Variants in EIF2AK2 observed in about 807,000 individuals in gnomAD.
The protein encoded by EIF2AK2 is interferon-induced, double-stranded RNA-activated protein kinase.
Under a neutral mutation model 70.5 loss-of-function variants are expected in EIF2AK2, and 40 were observed. The ratio of observed to expected loss-of-function variants is 0.57; its 90% CI spans 0.44 to 0.74. The LOEUF is 0.74. Among genes scored for constraint, EIF2AK2 ranks in the 30% least tolerant of loss-of-function variants. The pLI, the probability that EIF2AK2 is intolerant of heterozygous loss-of-function variation, is 0.00. For missense variants in EIF2AK2, 555 were observed against 644.3 expected, an observed-to-expected ratio of 0.86 and a Z score of 1.50; for synonymous variants, 198 against 220.9, an observed-to-expected ratio of 0.90 and a Z score of 0.92.
chr2:37,126,633 G>T (rs1354015282), intron 10 of EIF2AK2, among the ~76,000 whole-genome samples: 2 of 151,988 alleles, frequency 1.3e-5, no homozygotes, highest in Non-Finnish European at 2.9e-5. Context: ...TATCACCCCA[G>T]GCAGTCACAG....
chr2:37,117,205 C>G (rs1299230515), intron 13 of EIF2AK2, among the ~76,000 whole-genome samples: 1 of 134,996 alleles, frequency 7.4e-6, no homozygotes, highest in African/African-American at 2.8e-5. Context: ...AGAGGAGACT[C>G]TGTCTCAAAA....
chr2:37,121,124 G>A (rs971313994), intron 12 of EIF2AK2, among the ~76,000 whole-genome samples: 3 of 149,178 alleles, frequency 2.0e-5, no homozygotes, highest in East Asian at 1.9e-4. Context: ...TTAGCCGGGC[G>A]TGGTGGCGGG....
intron 8 of EIF2AK2, among the ~76,000 whole-genome samples, chr2:37,137,517 T>A (rs1256449465): frequency 6.6e-6 from 1 of 152,220 alleles, no homozygotes; most frequent in Non-Finnish European, 1.5e-5. Context: ...CTATGTTGCC[T>A]AGGCTGGTCT....
Position 37,148,864 on chromosome 2 carries a change from G to A in EIF2AK2, c.-24C>T. The A allele has an allele frequency of 1.2e-6, 1 of 847,484 alleles. No homozygotes were observed. The highest frequency in any genetic ancestry group is 1.3e-5 in the South Asian group (1 of 75,164). 52.5% of individuals were successfully genotyped at this position (847,484 alleles called of 1,614,324 possible). On this transcript the variant is annotated 5_prime_UTR_variant, in exon 2 of 17. Transcript: ENST00000233057. ...TCGGAAGACCGCTTGTACCTGGTTGGAAGCTTTGTCCAAAATGCACGCAGA... is the reference window on the plus strand; with the variant it reads ...TCGGAAGACCGCTTGTACCTGGTTGAAAGCTTTGTCCAAAATGCACGCAGA...
At chr2:37,126,744 G>A (rs1666908380) in intron 10 of EIF2AK2, among the ~76,000 whole-genome samples, 1 of 151,958 alleles carries the variant, frequency 6.6e-6, no homozygotes. Flanking sequence ...ATCACCTGAA[G>A]TCAGGAGTTC....
rs779693187 is a variant in EIF2AK2 at position 37,114,826 on chromosome 2, C to T, written c.1282G>A (p.Val428Ile). 6.3e-6 allele frequency: 10 copies of T among 1,593,814 alleles called. No individual in the cohort carries two copies. Among genetic ancestry groups the T allele is most frequent in the Non-Finnish European group, 6.0e-6 (7 of 1,171,026 alleles). The change falls in exon 14 of 17, where the codon GTA becomes ATA. Residue 428 changes from valine (V) to isoleucine (I), a missense_variant. Physicochemically the swap from Val to Ile is conservative, Grantham distance 29 (BLOSUM62 3). This residue lies in a region of EIF2AK2 where 299 missense variants were observed against 375.4 expected (regional missense o/e 0.80). Transcript: ENST00000233057. ...SNIFLVDTKQ[V>I]KIGDFGLVTS... is the part of the protein sequence containing the mutation. ...ACAAGTCCAAAGTCTCCAATCTTTA[C>T]TTGTTTTGTATCTACTAAGAATATA...
intron 1 of EIF2AK2, among the ~76,000 whole-genome samples, chr2:37,155,713 T>A (rs762386087): frequency 4.6e-5 from 7 of 152,168 alleles, no homozygotes; most frequent in Non-Finnish European, 7.4e-5. Context: ...ATTTTGGCTA[T>A]GCCTCCACTT....
chr2:37,130,937 C>T (rs1353503255), intron 10 of EIF2AK2, among the ~76,000 whole-genome samples: 2 of 152,194 alleles, frequency 1.3e-5, no homozygotes, highest in Non-Finnish European at 2.9e-5. Flanking sequence ...TTTAACCTCT[C>T]CAAACGTTTC....
intron 11 of EIF2AK2, 116 bp from the exon 12 acceptor site, chr2:37,122,780 T>C: frequency 7.4e-7 from 1 of 1,346,718 alleles, no homozygotes; most frequent in Non-Finnish European, 1.0e-6. Context: ...ATTGCTGTGG[T>C]TCTCACATAG....
chr2:37,131,163 C>G (rs1275567179), intron 10 of EIF2AK2, among the ~76,000 whole-genome samples: 2 of 152,186 alleles, frequency 1.3e-5, no homozygotes, highest in African/African-American at 2.4e-5. Context: ...CTCACTCCTA[C>G]CCCAGACCTT....
chr2:37,156,855 G>GC (rs1257976538), intron 1 of EIF2AK2, 53 bp downstream of exon 1: 2 of 156,658 alleles, frequency 1.3e-5, no homozygotes, highest in East Asian at 1.9e-4. Context: ...CTCGTACGTG[G>GC]CCCCCCGGCC....
At position 37,102,719 on chromosome 2, in the gene EIF2AK2, G is replaced by A. The variant is rs1049464826; in HGVS notation, c.*4554C>T. 21 of 152,230 alleles carry A rather than the reference G, an allele frequency of 1.4e-4. No individual in the cohort carries two copies. Among genetic ancestry groups the A allele is most frequent in the East Asian group, 5.8e-4 (3 of 5,180 alleles). 9.4% of individuals were successfully genotyped at this position (152,230 alleles called of 1,614,324 possible). A position where few individuals can be genotyped will look rare whatever the true frequency, so the allele number is the denominator to read the frequency against. ...AGCACCCCACACCTAATTTTTGAAC[G>A]AGGGCCGTACAGTTTCATTTTGCCC... On this transcript the variant is annotated 3_prime_UTR_variant, in exon 17 of 17. Coordinates refer to ENST00000233057, the MANE Select transcript of EIF2AK2 (RefSeq NM_001135651.3).
At chr2:37,150,009 TAGA>T (rs778052542) in intron 1 of EIF2AK2, among the ~76,000 whole-genome samples, 34 of 152,176 alleles carry the variant, frequency 2.2e-4, no homozygotes, top group Admixed American at 1.7e-3. Flanking sequence ...AATGGATTTG[TAGA>T]AGAAGTCACT....
intron 1 of EIF2AK2, among the ~76,000 whole-genome samples, chr2:37,152,212 A>T (rs1179638296): frequency 1.3e-5 from 2 of 152,216 alleles, no homozygotes; most frequent in African/African-American, 4.8e-5. Flanking sequence ...TAAAGGCAGA[A>T]ATCAGATCCT....
At position 37,114,865 on chromosome 2, in the gene EIF2AK2, A is replaced by G. The variant is rs75744939; in HGVS notation, c.1249-6T>C. ...ACTAAGAATATATTACTTGGCTATGAAAAAAAAAAATTTAACTTACATGTA... is the reference window on the plus strand; with the variant it reads ...ACTAAGAATATATTACTTGGCTATGGAAAAAAAAAATTTAACTTACATGTA... On this transcript the variant is annotated splice_region_variant and splice_polypyrimidine_tract_variant and intron_variant, in intron 13 of 16. Coordinates refer to ENST00000233057, the MANE Select transcript of EIF2AK2 (RefSeq NM_001135651.3). 1 of 1,281,920 alleles carries G rather than the reference A, an allele frequency of 7.8e-7. No homozygotes were observed. The highest frequency in any genetic ancestry group is 1.0e-6 in the Non-Finnish European group (1 of 954,736). The allele number at this position is 1,281,920 out of a possible 1,614,324, so 79.4% of individuals were successfully genotyped here. A position where few individuals can be genotyped will look rare whatever the true frequency, so the allele number is the denominator to read the frequency against.
At chr2:37,109,042 T>C (rs1674058039) in intron 15 of EIF2AK2, 152 bp downstream of exon 15, 3 of 709,506 alleles carry the variant, frequency 4.2e-6, no homozygotes, top group East Asian at 2.8e-5. Flanking sequence ...CTGCCAAACC[T>C]TGAAAGACAG....
At chr2:37,142,033 T>C (rs1675350171) in intron 4 of EIF2AK2, among the ~76,000 whole-genome samples, 1 of 152,260 alleles carries the variant, frequency 6.6e-6, no homozygotes, top group African/African-American at 2.4e-5. Flanking sequence ...TACTGGATCA[T>C]AACTTAATGA....
At chr2:37,138,144 T>G in intron 8 of EIF2AK2, 126 bp downstream of exon 8, 1 of 607,328 alleles carries the variant, frequency 1.6e-6, no homozygotes, top group Admixed American at 3.5e-5. Flanking sequence ...TGAGGTATTA[T>G]CATTTAGTAA....
At chr2:37,121,444 C>T (rs1180413646) in intron 12 of EIF2AK2, among the ~76,000 whole-genome samples, 1 of 151,946 alleles carries the variant, frequency 6.6e-6, no homozygotes, top group Non-Finnish European at 1.5e-5. Context: ...CATTGATCTA[C>T]TAAGCATGAA....
Sources: gnomAD v4.1 joint callset for allele counts (sites outside exome capture counted in the v4.1 genomes callset) on GRCh38, gnomAD v4.1.1 for gene constraint, gnomAD v4.1.1 regional missense constraint, MANE v1.5 for transcripts, NCBI Gene and HGNC (gene_info 2026-07-23, HGNC 2026-07-21) for gene names.